The following MYO9A variants were observed in gnomAD, a reference collection of about 807,000 sequenced individuals.
The protein encoded by MYO9A is unconventional myosin-IXa.
Under a neutral mutation model 293.3 loss-of-function variants are expected in MYO9A, and 103 were observed. That is an observed-to-expected ratio of 0.35 (90% CI 0.30 to 0.41). The LOEUF (loss-of-function observed/expected upper bound fraction) is 0.41, where lower values mean the gene tolerates loss of function less well. MYO9A is among the 10% of genes least tolerant of loss of function. The pLI, the probability that MYO9A is intolerant of heterozygous loss-of-function variation, is 1.00. For missense variants in MYO9A, 2,685 were observed against 3,033.0 expected (o/e 0.89, Z 2.69); for synonymous variants, 1,001 against 1,035.7 (o/e 0.97, Z 0.64).
At chr15:71,829,590 C>CTA (rs1045793541) in intron 40 of MYO9A, among the ~76,000 whole-genome samples, 5 of 151,922 alleles carry the variant, frequency 3.3e-5, no homozygotes, top group Admixed American at 3.3e-4. Context: ...TATAGCCTTA[C>CTA]TATGACCATC....
In MYO9A at chr15:72,046,470, A is replaced by G; in HGVS notation, c.94T>C (p.Cys32Arg). 1.2e-6 allele frequency: 2 copies of G among 1,614,214 alleles called. No individual in the cohort carries two copies. Among genetic ancestry groups the G allele is most frequent in the Non-Finnish European group, 1.7e-6 (2 of 1,180,036 alleles). ...PGAISEGTIYCPIPARKNSTA... is the reference protein window; with the variant it reads ...PGAISEGTIYRPIPARKNSTA... ...GAGTTTTTTCTGGCAGGAATCGGACAGTAGATTGTCCCTTCTGAAATAGCC... is the reference window on the plus strand; with the variant it reads ...GAGTTTTTTCTGGCAGGAATCGGACGGTAGATTGTCCCTTCTGAAATAGCC... The change falls in exon 2 of 42, where the codon TGT becomes CGT. Residue 32 changes from cysteine (C) to arginine (R), a missense_variant. Coordinates refer to ENST00000356056, the MANE Select transcript of MYO9A (RefSeq NM_006901.4).
chr15:71,956,330 A>AAAAATATATATATATAT (rs10642655), intron 14 of MYO9A, among the ~76,000 whole-genome samples: 2 of 75,580 alleles, frequency 2.6e-5, no homozygotes, highest in African/African-American at 1.2e-4. Context: ...AAAAAAAAAA[A>AAAAATATATATATATAT]ATATATATAT....
At chr15:71,926,952 G>A (rs752436467) in intron 18 of MYO9A, among the ~76,000 whole-genome samples, 5 of 151,836 alleles carry the variant, frequency 3.3e-5, no homozygotes, top group East Asian at 1.9e-4. Context: ...TAGGGACAGC[G>A]TCATCAGGGG....
chr15:72,001,721 T>C (rs2076872256), intron 8 of MYO9A, among the ~76,000 whole-genome samples: 1 of 152,094 alleles, frequency 6.6e-6, no homozygotes, highest in Admixed American at 6.6e-5. Context: ...ATAACACCTT[T>C]CAGAGCATTC....
intron 12 of MYO9A, among the ~76,000 whole-genome samples, chr15:71,977,325 C>T (rs1428142224): frequency 6.6e-6 from 1 of 152,164 alleles, no homozygotes; most frequent in Non-Finnish European, 1.5e-5. Context: ...CAACCTCTGC[C>T]TCCTGGGTTC....
intron 18 of MYO9A, among the ~76,000 whole-genome samples, chr15:71,917,145 C>A (rs2058032088): frequency 6.6e-6 from 1 of 152,204 alleles, no homozygotes; most frequent in South Asian, 2.1e-4. Flanking sequence ...TCCCTTTCTA[C>A]TTAAAAATAT....
At chr15:71,864,837 C>T (rs948316816) in intron 32 of MYO9A, among the ~76,000 whole-genome samples, 16 of 152,204 alleles carry the variant, frequency 1.1e-4, no homozygotes, top group Non-Finnish European at 1.8e-4. Context: ...TGACTGTAAA[C>T]TGGCATGAAA....
At chr15:71,885,642 A>G (rs1220644917) in intron 27 of MYO9A, among the ~76,000 whole-genome samples, 11 of 152,268 alleles carry the variant, frequency 7.2e-5, no homozygotes, top group Non-Finnish European at 7.4e-5. Flanking sequence ...CTTTTGTTTC[A>G]TAACAACATG....
intron 35 of MYO9A, 70 bp downstream of exon 35, chr15:71,854,307 A>C: frequency 8.3e-7 from 1 of 1,205,326 alleles, no homozygotes; most frequent in South Asian, 2.4e-5. Context: ...ATGTAATGAA[A>C]ACTTTAAGAG....
intron 17 of MYO9A, 200 bp downstream of exon 17, chr15:71,935,141 A>G: frequency 2.0e-6 from 1 of 502,142 alleles, no homozygotes; most frequent in Admixed American, 3.5e-5. Context: ...AGAAAAATCA[A>G]CAAAAACACA....
chr15:71,914,287 C>T (rs371697897), intron 19 of MYO9A, among the ~76,000 whole-genome samples: 2 of 152,248 alleles, frequency 1.3e-5, no homozygotes, highest in African/African-American at 4.8e-5. Context: ...ATTGGAGTCC[C>T]GTAATGCTTA....
chr15:71,850,801 A>AAAAAAT (rs2055610415), intron 37 of MYO9A, among the ~76,000 whole-genome samples: 2 of 135,342 alleles, frequency 1.5e-5, no homozygotes, highest in African/African-American at 3.0e-5. Context: ...AAAAAAAAAA[A>AAAAAAT]GAATGCAGAG....
intron 37 of MYO9A, among the ~76,000 whole-genome samples, chr15:71,850,839 G>A (rs952702773): frequency 2.1e-5 from 3 of 141,082 alleles, no homozygotes; most frequent in African/African-American, 5.4e-5. Context: ...AATAAAGATG[G>A]CTTTCTTCTC....
At chr15:71,888,550 A>G (rs1458089337) in intron 26 of MYO9A, 1 of 152,508 alleles carries the variant, frequency 6.6e-6, no homozygotes, top group African/African-American at 2.4e-5. Context: ...CAATAATTTA[A>G]AAGAGATGGA....
intron 1 of MYO9A, among the ~76,000 whole-genome samples, chr15:72,105,383 T>C (rs192019412): frequency 1.6e-3 from 240 of 152,172 alleles, no homozygotes; most frequent in African/African-American, 5.1e-3. Context: ...ACCACAATGC[T>C]TGGCTAGTTC....
chr15:72,098,501 A>G (rs1361007076), intron 1 of MYO9A, among the ~76,000 whole-genome samples: 1 of 152,246 alleles, frequency 6.6e-6, no homozygotes, highest in Non-Finnish European at 1.5e-5. Flanking sequence ...AATGAAAAAT[A>G]TTTTGAAATA....
chr15:71,929,288 A>C (rs766511340), intron 18 of MYO9A, among the ~76,000 whole-genome samples: 1 of 152,088 alleles, frequency 6.6e-6, no homozygotes, highest in Non-Finnish European at 1.5e-5. Flanking sequence ...TTATTACCTA[A>C]TTTCTGTGGC....
At chr15:71,875,028 CT>C (rs1042926078) in intron 32 of MYO9A, among the ~76,000 whole-genome samples, 1 of 152,074 alleles carries the variant, frequency 6.6e-6, no homozygotes, top group African/African-American at 2.4e-5. Flanking sequence ...AATTTGAAAA[CT>C]TTTTACTGCC....
At chr15:72,111,498 A>AT (rs2080778218) in intron 1 of MYO9A, among the ~76,000 whole-genome samples, 2 of 151,934 alleles carry the variant, frequency 1.3e-5, no homozygotes, top group African/African-American at 4.8e-5. Context: ...AAAAAAAAAA[A>AT]AAATTAATAA....
Sources: gnomAD v4.1 joint callset for allele counts (sites outside exome capture counted in the v4.1 genomes callset) on GRCh38, gnomAD v4.1.1 for gene constraint, MANE v1.5 for transcripts, NCBI Gene and HGNC (gene_info 2026-07-23, HGNC 2026-07-21) for gene names.